Variants in EFR3A observed in about 807,000 individuals in gnomAD.
EFR3A encodes the protein EFR3 homolog A.
Under a neutral mutation model 104.4 loss-of-function variants are expected in EFR3A, and 76 were observed. That is an observed-to-expected ratio of 0.73 (90% CI 0.60 to 0.88). EFR3A has a LOEUF of 0.88. EFR3A is among the 40% of genes least tolerant of loss of function. The pLI, the probability that EFR3A is intolerant of heterozygous loss-of-function variation, is 0.00. For missense variants in EFR3A, 985 were observed against 1,012.5 expected (o/e 0.97, Z 0.37); for synonymous variants, 330 against 330.0 (o/e 1.00, Z 0.00).
chr8:131,970,611 A>G lies in EFR3A; in HGVS notation c.1127A>G (p.Lys376Arg). The stretch of plus-strand genomic sequence containing the variant: ...ACAAGTTCCAAAGACAATGATGAGA[A>G]GATTGTGCAGAATGCTATCATCCAA... ...LNTSSKDNDE[K>R]IVQNAIIQTI... Residue 376 changes from lysine to arginine, a missense_variant, in exon 10 of 23, where the codon AAG (lysine) becomes AGG (arginine). By Grantham distance (26) the Lys-to-Arg change is conservative (BLOSUM62 2). Coordinates refer to ENST00000254624, the MANE Select transcript of EFR3A (RefSeq NM_015137.6). 6.2e-7 allele frequency: 1 copy of G among 1,613,870 alleles called. No homozygotes were observed. The highest frequency in any genetic ancestry group is 1.1e-5 in the South Asian group (1 of 91,074).
At chr8:131,921,850 A>G (rs1435749890) in intron 1 of EFR3A, among the ~76,000 whole-genome samples, 1 of 152,222 alleles carries the variant, frequency 6.6e-6, no homozygotes. Context: ...AACTGGTTTC[A>G]GAATGGTACA....
chr8:131,943,415 G>C (rs1818261905), intron 2 of EFR3A, among the ~76,000 whole-genome samples: 1 of 151,974 alleles, frequency 6.6e-6, no homozygotes. Flanking sequence ...TTTCAATGAT[G>C]ATGTGGAGGA....
rs760999169 is a variant in EFR3A at position 131,944,764 on chromosome 8, A to T, written c.107A>T (p.Asp36Val). Residue 36 changes from aspartate (D) to valine (V), a missense_variant, in exon 3 of 23, where the codon GAT becomes GTT. Coordinates refer to ENST00000254624, the MANE Select transcript of EFR3A (RefSeq NM_015137.6). ...EDPKDGLVKT[D>V]MEKLTFYAVS... Reference sequence around the variant, plus strand: ...TTTTAGGATGGCCTTGTGAAAACTGATATGGAGAAATTGACATTTTATGCA... The same window carrying T: ...TTTTAGGATGGCCTTGTGAAAACTGTTATGGAGAAATTGACATTTTATGCA... The T allele has an allele frequency of 6.3e-7, 1 of 1,599,304 alleles. No homozygotes were observed. The highest frequency in any genetic ancestry group is 1.1e-5 in the South Asian group (1 of 88,100).
rs116744826 is a variant in EFR3A at position 131,991,894 on chromosome 8, A to C, written c.2065+4192A>C. Among the ~76,000 whole-genome samples the C allele has an allele frequency of 6.8e-3, 1,034 of 152,278 alleles. 10 individuals are homozygous for C. Among genetic ancestry groups the C allele is most frequent in the African/African-American group, 0.023 (956 of 41,548 alleles). On this transcript the variant is annotated intron_variant, in intron 18 of 22. Coordinates refer to ENST00000254624, the MANE Select transcript of EFR3A (RefSeq NM_015137.6). ...AATTGCTGAAGCTTCAGAGAAGTAG[A>C]AAATTGATTAAGACCTTCCTTTGGA...
intron 5 of EFR3A, among the ~76,000 whole-genome samples, chr8:131,952,603 G>A (rs989584841): frequency 6.6e-6 from 1 of 151,888 alleles, no homozygotes; most frequent in Non-Finnish European, 1.5e-5. Flanking sequence ...GGTATGTAAA[G>A]CAGGCACCTT....
chr8:131,908,576 T>C lies in EFR3A; in HGVS notation c.10+4254T>C, dbSNP rs368690501. On this transcript the variant is annotated intron_variant, in intron 1 of 22. Coordinates refer to ENST00000254624, the MANE Select transcript of EFR3A (RefSeq NM_015137.6). ...CTCTTCCACTTTGAGGGAGGCCCTA[T>C]TTGACCTGTTTTAGAAGATAGAGAG... 4.6e-5 allele frequency among the ~76,000 whole-genome samples: 7 copies of C among 152,268 alleles called. No individual in the cohort carries two copies. In the East Asian group the frequency reaches 1.4e-3, roughly 29 times the overall value.
At chr8:131,930,452 A>C (rs1419400577) in intron 1 of EFR3A, among the ~76,000 whole-genome samples, 3 of 115,316 alleles carry the variant, frequency 2.6e-5, no homozygotes, top group Non-Finnish European at 6.0e-5. Flanking sequence ...GGAATGAAAT[A>C]CAGAGAAACA....
intron 2 of EFR3A, among the ~76,000 whole-genome samples, chr8:131,942,042 C>G (rs1818193910): frequency 6.6e-6 from 1 of 151,926 alleles, no homozygotes; most frequent in Non-Finnish European, 1.5e-5. Flanking sequence ...CATATGGTTA[C>G]TGAAGGTAAG....
chr8:131,948,676 T>C (rs16904555), intron 4 of EFR3A, among the ~76,000 whole-genome samples: 23,478 of 152,108 alleles, frequency 0.15, 2,300 homozygotes, highest in East Asian at 0.34. Context: ...CACCCAGCAA[T>C]GCCATTAGAT....
At position 131,970,606 on chromosome 8, in the gene EFR3A, TGAG is replaced by T. The variant is rs1253292461; in HGVS notation, c.1123_1125del (p.Glu375del). On this transcript the variant is annotated inframe_deletion, in exon 10 of 23. Transcript: ENST00000254624. ...TAAATACAAGTTCCAAAGACAATGA[TGAG>T]AAGATTGTGCAGAATGCTATCATCC... 1.2e-6 allele frequency: 2 copies of T among 1,613,820 alleles called. No individual in the cohort carries two copies. The highest frequency in any genetic ancestry group is 8.5e-7 in the Non-Finnish European group (1 of 1,179,790).
At chr8:131,948,304 C>G (rs1389137525) in intron 4 of EFR3A, among the ~76,000 whole-genome samples, 1 of 151,972 alleles carries the variant, frequency 6.6e-6, no homozygotes, top group African/African-American at 2.4e-5. Flanking sequence ...CTCCTTGCCT[C>G]GGTTTTTCAT....
intron 10 of EFR3A, among the ~76,000 whole-genome samples, chr8:131,972,954 G>A (rs1563679429): frequency 6.6e-6 from 1 of 151,238 alleles, no homozygotes. Context: ...TTGGACATAT[G>A]CGTACACCAG....
rs61740223 is a variant in EFR3A at position 131,959,603 on chromosome 8, A to T, written c.795A>T (p.Lys265Asn). 2.7e-3 allele frequency: 4,383 copies of T among 1,611,984 alleles called. 87 individuals carry two copies. The African/African-American group carries it at 0.048, about 18-fold the overall frequency. ...TTTGCAGGCATTTAGATCATCACAA[A>T]CTGTGGGATCCCAATGAATTTGCAG... ...RPVFAHLDHH[K>N]LWDPNEFAVH... is the part of the protein sequence containing the mutation. Residue 265 changes from lysine to asparagine, a missense_variant, in exon 8 of 23, where the codon AAA becomes AAT. Coordinates refer to ENST00000254624, the MANE Select transcript of EFR3A (RefSeq NM_015137.6).
At chr8:131,943,358 C>T (rs1818256839) in intron 2 of EFR3A, among the ~76,000 whole-genome samples, 1 of 151,896 alleles carries the variant, frequency 6.6e-6, no homozygotes, top group Non-Finnish European at 1.5e-5. Flanking sequence ...GATTATTCTT[C>T]AATAAAATTA....
intron 22 of EFR3A, among the ~76,000 whole-genome samples, chr8:132,005,249 T>C (rs1254643221): frequency 6.6e-6 from 1 of 152,162 alleles, no homozygotes; most frequent in Non-Finnish European, 1.5e-5. Flanking sequence ...TTTATAGAAA[T>C]GTGTCTTCAG....
chr8:132,001,137 T>C (rs1821763209), intron 19 of EFR3A: 1 of 152,252 alleles, frequency 6.6e-6, no homozygotes, highest in Non-Finnish European at 1.5e-5. Flanking sequence ...TCATACCTTT[T>C]TATGTATCTC....
At chr8:131,934,645 A>G (rs917536153) in intron 1 of EFR3A, among the ~76,000 whole-genome samples, 6 of 151,990 alleles carry the variant, frequency 3.9e-5, no homozygotes, top group East Asian at 1.9e-4. Flanking sequence ...GTATGTGTGT[A>G]TATATATATA....
chr8:131,984,879 G>T, intron 15 of EFR3A, 50 bp from the exon 16 acceptor site: 1 of 1,511,766 alleles, frequency 6.6e-7, no homozygotes, highest in South Asian at 1.3e-5. Flanking sequence ...AGAAAATGCT[G>T]GTGAAGTATA....
At chr8:131,949,567 G>A (rs1227087727) in intron 4 of EFR3A, among the ~76,000 whole-genome samples, 3 of 152,216 alleles carry the variant, frequency 2.0e-5, no homozygotes, top group African/African-American at 4.8e-5. Flanking sequence ...GCTTTGGGAG[G>A]CCAAGGCAGG....
Sources: gnomAD v4.1 joint callset for allele counts (sites outside exome capture counted in the v4.1 genomes callset) on GRCh38, gnomAD v4.1.1 for gene constraint, MANE v1.5 for transcripts, NCBI Gene and HGNC (gene_info 2026-07-23, HGNC 2026-07-21) for gene names.